FSTL5: variants seen among roughly 807,000 people sequenced by gnomAD.
FSTL5 encodes follistatin like 5.
In FSTL5, 62 loss-of-function variants were observed where a neutral mutation model predicts 89.1. That is an observed-to-expected ratio of 0.70 (90% confidence interval 0.57 to 0.86). The LOEUF (loss-of-function observed/expected upper bound fraction) is 0.86. Among genes scored for constraint, FSTL5 ranks in the 40% least tolerant of loss-of-function variants. The pLI is 0.00. For synonymous variants in FSTL5, 383 were observed against 346.2 expected (o/e 1.11, Z -1.18); for missense variants, 1,057 against 1,001.6 (o/e 1.06, Z -0.75).
intron 4 of FSTL5, among the ~76,000 whole-genome samples, chr4:161,872,781 T>C (rs1259075349): frequency 6.6e-6 from 1 of 152,166 alleles, no homozygotes; most frequent in Non-Finnish European, 1.5e-5. Context: ...TATAAAAGAA[T>C]TGAAGTTTGA....
chr4:162,098,929 A>T (rs1359164264), intron 2 of FSTL5, among the ~76,000 whole-genome samples: 2 of 152,102 alleles, frequency 1.3e-5, no homozygotes, highest in Non-Finnish European at 2.9e-5. Context: ...ACAAAAATTA[A>T]CTCAAAAAGG....
chr4:161,774,307 C>A (rs914545130), intron 5 of FSTL5, among the ~76,000 whole-genome samples: 8 of 152,096 alleles, frequency 5.3e-5, no homozygotes, highest in Admixed American at 3.3e-4. Flanking sequence ...CTTCTCTCAC[C>A]CCCACTTCCA....
At chr4:161,882,404 G>C (rs2126912108) in intron 4 of FSTL5, among the ~76,000 whole-genome samples, 1 of 152,182 alleles carries the variant, frequency 6.6e-6, no homozygotes, top group Middle Eastern at 3.4e-3. Flanking sequence ...AACTTCATCT[G>C]TTGTACCAAA....
At chr4:161,885,411 T>C (rs1317587152) in intron 4 of FSTL5, among the ~76,000 whole-genome samples, 2 of 151,794 alleles carry the variant, frequency 1.3e-5, no homozygotes, top group South Asian at 2.1e-4. Context: ...ATACATACAA[T>C]GGCAAAAAAA....
chr4:161,472,750 C>T (rs1211189392), intron 13 of FSTL5, among the ~76,000 whole-genome samples: 1 of 148,054 alleles, frequency 6.8e-6, no homozygotes, highest in Non-Finnish European at 1.5e-5. Flanking sequence ...TTTTTTGAGA[C>T]GGAGTCTCAC....
At chr4:161,709,985 T>C (rs1738723329) in intron 6 of FSTL5, among the ~76,000 whole-genome samples, 2 of 152,142 alleles carry the variant, frequency 1.3e-5, no homozygotes, top group South Asian at 4.1e-4. Context: ...TAGTTGTTTT[T>C]TGAGACAGGA....
At chr4:161,849,725 C>T (rs548135053) in intron 4 of FSTL5, among the ~76,000 whole-genome samples, 2 of 151,904 alleles carry the variant, frequency 1.3e-5, no homozygotes, top group African/African-American at 4.8e-5. Flanking sequence ...GAATATGAGA[C>T]AAACAAATAC....
intron 7 of FSTL5, among the ~76,000 whole-genome samples, chr4:161,592,197 C>T (rs1341394321): frequency 6.6e-6 from 1 of 152,142 alleles, no homozygotes; most frequent in East Asian, 1.9e-4. Context: ...ATGTCAACCC[C>T]TGTATTTCTT....
At chr4:161,702,186 T>C (rs1738414913) in intron 6 of FSTL5, among the ~76,000 whole-genome samples, 1 of 152,178 alleles carries the variant, frequency 6.6e-6, no homozygotes, top group African/African-American at 2.4e-5. Context: ...AATTCATTGC[T>C]TAGCGAAACT....
chr4:161,621,184 T>C (rs62328850), intron 7 of FSTL5, among the ~76,000 whole-genome samples: 34,535 of 151,688 alleles, frequency 0.23, 4,006 homozygotes, highest in African/African-American at 0.25. Flanking sequence ...TATTTTCTGA[T>C]CACTGAAGAA....
intron 4 of FSTL5, among the ~76,000 whole-genome samples, chr4:161,823,618 T>C (rs1453033026): frequency 6.6e-6 from 1 of 152,192 alleles, no homozygotes; most frequent in Non-Finnish European, 1.5e-5. Flanking sequence ...CAAGTCTGGA[T>C]CCATGGCTGT....
At position 162,080,803 on chromosome 4, in the gene FSTL5, T is replaced by C. The variant is rs1185699519; in HGVS notation, c.126+30468A>G. Reference sequence around the variant, plus strand: ...ATTGATGTGAGTTTGAGAAACAAACTATGCAGTAGATTAAATACAGGTGCT... The same window carrying C: ...ATTGATGTGAGTTTGAGAAACAAACCATGCAGTAGATTAAATACAGGTGCT... On this transcript the variant is annotated intron_variant, in intron 2 of 15. Coordinates refer to ENST00000306100, the MANE Select transcript of FSTL5 (RefSeq NM_020116.5). 1.2e-4 allele frequency among the ~76,000 whole-genome samples: 18 copies of C among 151,620 alleles called. No individual in the cohort carries two copies. The Admixed American group carries it at 1.2e-3, about 10-fold the overall frequency.
At chr4:161,897,599 A>G (rs1349872202) in intron 4 of FSTL5, among the ~76,000 whole-genome samples, 4 of 151,388 alleles carry the variant, frequency 2.6e-5, no homozygotes, top group Non-Finnish European at 5.9e-5. Context: ...AAAAAAGAAA[A>G]AAAATATATA....
At chr4:161,645,871 T>C (rs1335408206) in intron 7 of FSTL5, among the ~76,000 whole-genome samples, 4 of 152,062 alleles carry the variant, frequency 2.6e-5, no homozygotes, top group South Asian at 2.1e-4. Context: ...AATTATGCGG[T>C]GAATGATGTA....
chr4:161,876,763 G>A (rs116039114), intron 4 of FSTL5, among the ~76,000 whole-genome samples: 2,318 of 151,996 alleles, frequency 0.015, 56 homozygotes, highest in African/African-American at 0.054. Context: ...GAAAAATATA[G>A]AGGTTTTATT....
At chr4:161,852,772 T>C (rs958235606) in intron 4 of FSTL5, among the ~76,000 whole-genome samples, 5 of 152,126 alleles carry the variant, frequency 3.3e-5, no homozygotes, top group African/African-American at 9.7e-5. Flanking sequence ...CATGGAATAC[T>C]ATGCAGCCAT....
At chr4:161,789,699 C>A (rs1729394111) in intron 4 of FSTL5, among the ~76,000 whole-genome samples, 1 of 152,012 alleles carries the variant, frequency 6.6e-6, no homozygotes, top group Admixed American at 6.6e-5. Flanking sequence ...CATGATTTTA[C>A]CTTAAAAATT....
At chr4:161,672,362 G>C (rs945628844) in intron 6 of FSTL5, among the ~76,000 whole-genome samples, 1 of 152,124 alleles carries the variant, frequency 6.6e-6, no homozygotes, top group Non-Finnish European at 1.5e-5. Flanking sequence ...AAAGTGCTGA[G>C]AGTCAACAAG....
At chr4:162,028,746 C>T (rs1438275519) in intron 3 of FSTL5, among the ~76,000 whole-genome samples, 1 of 152,052 alleles carries the variant, frequency 6.6e-6, no homozygotes, top group African/African-American at 2.4e-5. Context: ...TCATATAGGG[C>T]TAAAATACAT....
Sources: allele counts gnomAD v4.1 joint callset (sites outside exome capture counted in the v4.1 genomes callset), GRCh38; gene constraint gnomAD v4.1.1; transcripts MANE v1.5; gene names NCBI Gene and HGNC (gene_info 2026-07-23, HGNC 2026-07-21).